The following EML5 variants were observed in gnomAD, a reference collection of about 807,000 sequenced individuals.
EML5 encodes the protein EMAP like 5, also known as echinoderm microtubule-associated protein-like 5.
Under a neutral mutation model 250.0 loss-of-function variants are expected in EML5, and 120 were observed. The ratio of observed to expected loss-of-function variants is 0.48; its 90% CI spans 0.41 to 0.56. The LOEUF is 0.56. EML5 is among the 20% of genes least tolerant of loss of function. The pLI is 0.00. For missense variants in EML5, 2,006 were observed against 2,437.6 expected, an observed-to-expected ratio of 0.82 and a Z score of 3.73; for synonymous variants, 771 against 806.5, an observed-to-expected ratio of 0.96 and a Z score of 0.75.
intron 2 of EML5, among the ~76,000 whole-genome samples, chr14:88,747,559 T>C (rs1362130802): frequency 2.0e-5 from 3 of 152,032 alleles, no homozygotes; most frequent in Non-Finnish European, 4.4e-5. Context: ...TATGGCATTA[T>C]TAGTTAAATA....
chr14:88,703,117 T>C (rs1032024898), intron 13 of EML5, among the ~76,000 whole-genome samples: 1 of 152,096 alleles, frequency 6.6e-6, no homozygotes, highest in African/African-American at 2.4e-5. Context: ...TGCAAATAGC[T>C]AAATCTAAGC....
chr14:88,687,828 A>G (rs1455559507), intron 18 of EML5, among the ~76,000 whole-genome samples: 1 of 152,168 alleles, frequency 6.6e-6, no homozygotes, highest in African/African-American at 2.4e-5. Flanking sequence ...CTGTAACACA[A>G]TACTTTGACG....
chr14:88,742,925 T>C (rs914162886), intron 4 of EML5, among the ~76,000 whole-genome samples: 1 of 152,116 alleles, frequency 6.6e-6, no homozygotes, highest in Middle Eastern at 3.2e-3. Flanking sequence ...ATTAATTCAC[T>C]AGGAATTAAC....
rs1248566511 is a variant in EML5 at position 88,683,672 on chromosome 14, C to A, written c.2982+1343G>T. 1.3e-5 allele frequency among the ~76,000 whole-genome samples: 2 copies of A among 152,086 alleles called. 1 individual carries two copies. The highest frequency in any genetic ancestry group is 3.9e-4 in the East Asian group (2 of 5,188). Reference sequence around the variant, plus strand: ...TATCCCAGGAATGCAAGATTGACAACATCAAAAATCAACTAATACACTATA... The same window carrying A: ...TATCCCAGGAATGCAAGATTGACAAAATCAAAAATCAACTAATACACTATA... On this transcript the variant is annotated intron_variant, in intron 20 of 43. Transcript: ENST00000554922.
intron 3 of EML5, among the ~76,000 whole-genome samples, chr14:88,745,558 C>G (rs567241908): frequency 2.0e-5 from 3 of 152,048 alleles, no homozygotes; most frequent in African/African-American, 7.2e-5. Context: ...ATTTTAAATC[C>G]ACACAAGCAA....
At position 88,663,047 on chromosome 14, in the gene EML5, G is replaced by C; in HGVS notation, c.3482C>G (p.Thr1161Ser). The C allele has an allele frequency of 1.1e-5, 17 of 1,552,212 alleles. No individual in the cohort carries two copies. Among genetic ancestry groups the C allele is most frequent in the Non-Finnish European group, 1.5e-5 (17 of 1,147,122 alleles). ...FFEAPRGKKQ[T>S]IPSVEVEKIA... ...TTGTCCTACCTCCACGCTGGGGATG[G>C]TTTGTTTTTTCCCTCTGGGAGCTTC... The change falls in exon 24 of 44, where the codon ACC becomes AGC. Residue 1161 changes from threonine (T) to serine (S), a missense_variant. Thr to Ser is a moderately conservative substitution (Grantham distance 58). Around this residue, in one of 7 missense-constraint regions of EML5, gnomAD observed 1,375 missense variants for 1,590.3 expected, o/e 0.86. Coordinates refer to ENST00000554922, the MANE Select transcript of EML5 (RefSeq NM_183387.3).
chr14:88,746,446 TGTTA>T (rs2094005515), intron 2 of EML5, among the ~76,000 whole-genome samples, 163 bp from the exon 3 acceptor site: 1 of 152,242 alleles, frequency 6.6e-6, no homozygotes, highest in Admixed American at 6.5e-5. Context: ...TATTTCACCT[TGTTA>T]GTGTTTCCAC....
At chr14:88,626,817 T>C (rs753743252) in intron 35 of EML5, 21 bp downstream of exon 35, 3 of 1,611,720 alleles carry the variant, frequency 1.9e-6, no homozygotes, top group Non-Finnish European at 2.5e-6. Context: ...AGTCACACTA[T>C]GTGCATTTTA....
intron 19 of EML5, 149 bp from the exon 20 acceptor site, chr14:88,685,291 A>T (rs1180122949): frequency 1.8e-5 from 10 of 563,372 alleles, no homozygotes; most frequent in African/African-American, 3.9e-5. Context: ...GTACTATATT[A>T]ACCTCAATCA....
intron 2 of EML5, among the ~76,000 whole-genome samples, chr14:88,747,707 C>T (rs576907715): frequency 6.6e-6 from 1 of 151,796 alleles, no homozygotes; most frequent in East Asian, 1.9e-4. Context: ...CTTCCAGAAA[C>T]AAAAAATAAA....
rs373625701 is a variant in EML5, at chr14:88,638,978, C to A, written c.4238-71G>T. 11 of 1,087,160 alleles carry A rather than the reference C, an allele frequency of 1.0e-5. 1 individual carries two copies. The highest frequency in any genetic ancestry group is 2.7e-4 in the Middle Eastern group (1 of 3,644). 67.3% of individuals were successfully genotyped at this position (1,087,160 alleles called of 1,614,324 possible). A position where few individuals can be genotyped will look rare whatever the true frequency, so the allele number is the denominator to read the frequency against. On this transcript the variant is annotated intron_variant, in intron 31 of 43. Transcript: ENST00000554922. ...AACAGCCAAAAGCACTTACCCAGAA[C>A]AATAAACTACTCTTTAACTTATTTG...
chr14:88,697,863 G>A (rs2093115784), intron 14 of EML5, among the ~76,000 whole-genome samples: 1 of 152,040 alleles, frequency 6.6e-6, no homozygotes, highest in Non-Finnish European at 1.5e-5. Flanking sequence ...AGCCTCCCAA[G>A]TAGCTGGGAT....
chr14:88,732,396 G>C (rs939742812), intron 7 of EML5, among the ~76,000 whole-genome samples: 28 of 152,156 alleles, frequency 1.8e-4, no homozygotes, highest in African/African-American at 6.8e-4. Flanking sequence ...TATTATTTCT[G>C]AGGGCTCTGT....
intron 10 of EML5, among the ~76,000 whole-genome samples, chr14:88,710,339 T>C (rs1331406371): frequency 1.3e-5 from 2 of 152,242 alleles, no homozygotes; most frequent in Non-Finnish European, 2.9e-5. Context: ...TTCTATAACA[T>C]AAACTACTTC....
At chr14:88,649,164 G>A (rs2091500904) in intron 28 of EML5, among the ~76,000 whole-genome samples, 1 of 151,884 alleles carries the variant, frequency 6.6e-6, no homozygotes, top group African/African-American at 2.4e-5. Flanking sequence ...TGAGTAGCTG[G>A]GACCACAGGG....
Position 88,626,876 on chromosome 14 carries a change from C to T in EML5, c.4702G>A (p.Ala1568Thr). ...ATAGCGAGCATGGTCTGCATCCGGGCATCTTCCAGTGTGCTCAGTAGCCCT... is the reference window on the plus strand; with the variant it reads ...ATAGCGAGCATGGTCTGCATCCGGGTATCTTCCAGTGTGCTCAGTAGCCCT... ...KKGLLSTLED[A>T]RMQTMLAIAF... The change falls in exon 35 of 44, where the codon GCC becomes ACC. Residue 1568 changes from alanine to threonine, a missense_variant. Around this residue, in one of 7 missense-constraint regions of EML5, gnomAD observed 405 missense variants for 523.3 expected, o/e 0.77. Transcript: ENST00000554922. 1 of 1,613,954 alleles carries T rather than the reference C, an allele frequency of 6.2e-7. No homozygotes were observed. The highest frequency in any genetic ancestry group is 8.5e-7 in the Non-Finnish European group (1 of 1,179,852).
intron 1 of EML5, among the ~76,000 whole-genome samples, chr14:88,767,761 T>C (rs2033686978): frequency 6.6e-6 from 1 of 152,242 alleles, no homozygotes; most frequent in Non-Finnish European, 1.5e-5. Context: ...TAGTACAGTT[T>C]TCTTGTATCC....
At position 88,725,945 on chromosome 14, in the gene EML5, A is replaced by C. The variant is rs185662992; in HGVS notation, c.1187+596T>G. On this transcript the variant is annotated intron_variant, in intron 8 of 43. Transcript: ENST00000554922. ...ATTGAGCAACTGAGCGAAGGATCTT[A>C]CCGTTCACTGAGGTAGAGAAGAAAG... Among the ~76,000 whole-genome samples the C allele has an allele frequency of 1.6e-3, 242 of 152,310 alleles. 1 individual carries two copies. The highest frequency in any genetic ancestry group is 5.7e-3 in the African/African-American group (235 of 41,578).
intron 2 of EML5, among the ~76,000 whole-genome samples, chr14:88,754,032 G>A (rs1642981491): frequency 6.6e-6 from 1 of 152,020 alleles, no homozygotes. Flanking sequence ...AGTTGTTCAG[G>A]AAGGTGAGGC....
Sources: allele counts gnomAD v4.1 joint callset (sites outside exome capture counted in the v4.1 genomes callset), GRCh38; gene constraint gnomAD v4.1.1; regional missense constraint gnomAD v4.1.1; transcripts MANE v1.5; gene names NCBI Gene and HGNC (gene_info 2026-07-23, HGNC 2026-07-21).